RASGEF1B: variants seen among roughly 807,000 people sequenced by gnomAD.
The protein encoded by RASGEF1B is ras-GEF domain-containing family member 1B.
Under a neutral mutation model 65.7 loss-of-function variants are expected in RASGEF1B, and 30 were observed. That is an observed-to-expected ratio of 0.46 (90% CI 0.34 to 0.62). The LOEUF is 0.62. RASGEF1B is among the 20% of genes least tolerant of loss of function. RASGEF1B has a pLI of 0.01. For missense variants in RASGEF1B, 495 were observed against 580.1 expected (o/e 0.85, Z 1.51); for synonymous variants, 175 against 194.8 (o/e 0.90, Z 0.85).
intron 1 of RASGEF1B, among the ~76,000 whole-genome samples, chr4:81,466,937 T>TAAAAAAAAAA (rs760715662): frequency 1.1e-5 from 1 of 94,724 alleles, no homozygotes; most frequent in Non-Finnish European, 2.1e-5. Context: ...CTTACCTCCT[T>TAAAAAAAAAA]AAAAAAAAAA....
At chr4:81,432,811 A>G (rs1329886296) in intron 12 of RASGEF1B, among the ~76,000 whole-genome samples, 1 of 152,010 alleles carries the variant, frequency 6.6e-6, no homozygotes, top group Non-Finnish European at 1.5e-5. Context: ...CCATTCTACT[A>G]ATATTTTTCT....
chr4:81,426,724 G>A lies in RASGEF1B; in HGVS notation c.*1044C>T, dbSNP rs1721233618. The A allele has an allele frequency of 1.3e-5, 2 of 152,036 alleles. No homozygotes were observed. Among genetic ancestry groups the A allele is most frequent in the Admixed American group, 1.3e-4 (2 of 15,264 alleles). 9.4% of individuals were successfully genotyped at this position (152,036 alleles called of 1,614,324 possible). On this transcript the variant is annotated 3_prime_UTR_variant, in exon 14 of 14. Coordinates refer to ENST00000264400, the MANE Select transcript of RASGEF1B (RefSeq NM_152545.3). ...GTGTTTTTCATCTGTTTTGTTTACT[G>A]CTATAGTGGGGACAGGTAACTTCTC...
chr4:81,445,066 T>C (rs147698706), intron 8 of RASGEF1B, among the ~76,000 whole-genome samples: 92 of 152,290 alleles, frequency 6.0e-4, no homozygotes, highest in African/African-American at 2.1e-3. Flanking sequence ...CTCCATGATA[T>C]AGAGGAGTGA....
intron 1 of RASGEF1B, among the ~76,000 whole-genome samples, chr4:81,466,775 AAAG>A (rs1454807059): frequency 1.4e-4 from 11 of 80,464 alleles, no homozygotes; most frequent in African/African-American, 4.9e-4. Flanking sequence ...AAAAAAAAAG[AAAG>A]AAAGAAAGAA....
intron 1 of RASGEF1B, among the ~76,000 whole-genome samples, chr4:81,464,297 C>T (rs1226859065): frequency 6.6e-6 from 1 of 152,164 alleles, no homozygotes; most frequent in Admixed American, 6.5e-5. Context: ...AAAACTGACT[C>T]TTCTCCAAAA....
intron 10 of RASGEF1B, among the ~76,000 whole-genome samples, chr4:81,435,835 C>T (rs929613091): frequency 4.5e-5 from 6 of 134,546 alleles, no homozygotes; most frequent in African/African-American, 1.8e-4. Context: ...GGCTGGAGTA[C>T]GGTGGTGCAA....
intron 9 of RASGEF1B, 59 bp from the exon 10 acceptor site, chr4:81,440,988 G>T: frequency 2.6e-6 from 3 of 1,162,594 alleles, no homozygotes; most frequent in Non-Finnish European, 2.5e-6. Context: ...TCTGTAGGAA[G>T]TTTATAAGAT....
chr4:81,449,562 G>A (rs1722175166), intron 4 of RASGEF1B, among the ~76,000 whole-genome samples: 1 of 152,140 alleles, frequency 6.6e-6, no homozygotes. Flanking sequence ...AGGCACACAG[G>A]CTGATTCAAT....
chr4:81,456,873 A>G, intron 3 of RASGEF1B, 85 bp from the exon 4 acceptor site: 1 of 1,237,008 alleles, frequency 8.1e-7, no homozygotes, highest in Non-Finnish European at 1.1e-6. Flanking sequence ...CGTCACTGAG[A>G]AACTTCTAGT....
chr4:81,467,120 G>GA (rs34235409), intron 1 of RASGEF1B, among the ~76,000 whole-genome samples: 40,434 of 150,656 alleles, frequency 0.27, 6,023 homozygotes, highest in African/African-American at 0.4. Context: ...GTTAAGGGAG[G>GA]AAAAAAAAAT....
At chr4:81,455,213 G>T in intron 4 of RASGEF1B, 1 of 152,384 alleles carries the variant, frequency 6.6e-6, no homozygotes, top group South Asian at 2.1e-4. Context: ...AAGGCCAGTG[G>T]ATTGCTTGAG....
rs1722565766 is a variant in RASGEF1B, at chr4:81,459,460, T to A, written c.49A>T (p.Asn17Tyr). 3.1e-6 allele frequency: 5 copies of A among 1,611,258 alleles called. No individual in the cohort carries two copies. In the East Asian group the frequency reaches 1.1e-4, roughly 36 times the overall value. ...TCTGCAGACTGATAGAGGTTTCGAT[T>A]GTAACCACTGCTGTCAAACATTGCT... Reference protein sequence around the residue: ...FSAMFDSSGYNRNLYQSAEDS... With the variant: ...FSAMFDSSGYYRNLYQSAEDS... Residue 17 changes from asparagine to tyrosine, a missense_variant, in exon 2 of 14, where the codon AAT (asparagine) becomes TAT (tyrosine). By Grantham distance (143) the Asn-to-Tyr change is moderately radical (BLOSUM62 -2). Transcript: ENST00000264400.
intron 1 of RASGEF1B, among the ~76,000 whole-genome samples, chr4:81,467,310 G>A (rs1722873066): frequency 6.6e-6 from 1 of 152,102 alleles, no homozygotes; most frequent in Non-Finnish European, 1.5e-5. Flanking sequence ...GACTCAAATA[G>A]TTTACTATCT....
chr4:81,440,764 A>C, intron 10 of RASGEF1B, 70 bp downstream of exon 10: 1 of 967,080 alleles, frequency 1.0e-6, no homozygotes, highest in Non-Finnish European at 1.6e-6. Flanking sequence ...TCAGTGTCGT[A>C]GTTCACATAG....
At chr4:81,468,244 T>C (rs998511269) in intron 1 of RASGEF1B, among the ~76,000 whole-genome samples, 3 of 152,224 alleles carry the variant, frequency 2.0e-5, no homozygotes, top group Non-Finnish European at 4.4e-5. Context: ...AGGATGTTTA[T>C]TAAAAAGTAG....
At chr4:81,436,747 GCTCA>G (rs1412753183) in intron 10 of RASGEF1B, among the ~76,000 whole-genome samples, 1 of 152,026 alleles carries the variant, frequency 6.6e-6, no homozygotes, top group Non-Finnish European at 1.5e-5. Flanking sequence ...ATACTTTTGG[GCTCA>G]CACACAAAAA....
chr4:81,442,205 T>C, intron 9 of RASGEF1B, 92 bp downstream of exon 9: 1 of 849,860 alleles, frequency 1.2e-6, no homozygotes, highest in African/African-American at 1.7e-5. Context: ...TTTTCCTCTG[T>C]CGTAGTCTGA....
At chr4:81,448,937 C>G (rs949540723) in intron 4 of RASGEF1B, among the ~76,000 whole-genome samples, 1 of 152,158 alleles carries the variant, frequency 6.6e-6, no homozygotes, top group African/African-American at 2.4e-5. Context: ...GCCTCAGCCT[C>G]CCGAGTAGCT....
At chr4:81,435,178 A>G (rs28431139) in intron 10 of RASGEF1B, among the ~76,000 whole-genome samples, 69,431 of 151,582 alleles carry the variant, frequency 0.46, 18,809 homozygotes, top group African/African-American at 0.76. Flanking sequence ...TTGGGAGGCC[A>G]AGGCGGGTGG....
Sources: allele counts gnomAD v4.1 joint callset (sites outside exome capture counted in the v4.1 genomes callset), GRCh38; gene constraint gnomAD v4.1.1; transcripts MANE v1.5; gene names NCBI Gene and HGNC (gene_info 2026-07-23, HGNC 2026-07-21).